Variants in DCC observed in about 807,000 individuals in gnomAD.
DCC encodes netrin receptor DCC.
DCC carries 58 observed loss-of-function variants against 172.5 expected under a neutral mutation model. The ratio of observed to expected loss-of-function variants is 0.34; its 90% CI spans 0.27 to 0.42. DCC has a LOEUF of 0.42. DCC is among the 10% of genes least tolerant of loss of function. DCC has a pLI of 1.00. For missense variants in DCC, 1,740 were observed against 1,791.0 expected, an observed-to-expected ratio of 0.97 and a Z score of 0.51; for synonymous variants, 709 against 644.5, an observed-to-expected ratio of 1.10 and a Z score of -1.52.
chr18:52,959,757 C>A (rs528078538), intron 5 of DCC, among the ~76,000 whole-genome samples: 1 of 152,076 alleles, frequency 6.6e-6, no homozygotes, highest in Non-Finnish European at 1.5e-5. Context: ...CCAAGCAGAC[C>A]AAGATATATC....
chr18:53,146,620 G>C (rs1015527875), intron 7 of DCC, among the ~76,000 whole-genome samples: 1 of 152,134 alleles, frequency 6.6e-6, no homozygotes, highest in Non-Finnish European at 1.5e-5. Context: ...TTCATAGAAA[G>C]CCTTGTCTAC....
chr18:52,579,236 G>T (rs981321823), intron 1 of DCC, among the ~76,000 whole-genome samples: 1 of 152,052 alleles, frequency 6.6e-6, no homozygotes, highest in Non-Finnish European at 1.5e-5. Flanking sequence ...TTTCAGGTTG[G>T]TTTCCCATTA....
At chr18:53,442,666 C>A (rs148659913) in intron 22 of DCC, among the ~76,000 whole-genome samples, 2 of 152,204 alleles carry the variant, frequency 1.3e-5, no homozygotes, top group Non-Finnish European at 2.9e-5. Flanking sequence ...GTGATGAAGA[C>A]ATGTCAAAAG....
chr18:52,788,745 C>G (rs1438528513), intron 2 of DCC, among the ~76,000 whole-genome samples: 1 of 152,106 alleles, frequency 6.6e-6, no homozygotes, highest in Non-Finnish European at 1.5e-5. Flanking sequence ...AGGAACAGGG[C>G]CAGGAAGGCA....
At chr18:53,017,366 G>A (rs2041823573) in intron 5 of DCC, among the ~76,000 whole-genome samples, 1 of 152,066 alleles carries the variant, frequency 6.6e-6, no homozygotes, top group Admixed American at 6.6e-5. Context: ...CATTCTAAAG[G>A]AACATATAAT....
chr18:53,385,328 A>T (rs1908085385), intron 15 of DCC, among the ~76,000 whole-genome samples: 1 of 152,154 alleles, frequency 6.6e-6, no homozygotes, highest in Non-Finnish European at 1.5e-5. Context: ...ATTGACAGAA[A>T]CAATGTGACA....
intron 7 of DCC, among the ~76,000 whole-genome samples, chr18:53,066,834 G>A (rs930109040): frequency 1.3e-5 from 2 of 152,066 alleles, no homozygotes; most frequent in Non-Finnish European, 2.9e-5. Flanking sequence ...GCATGATGCT[G>A]GCCATCTGCT....
At chr18:52,755,832 T>C (rs1029289981) in intron 2 of DCC, among the ~76,000 whole-genome samples, 1 of 152,070 alleles carries the variant, frequency 6.6e-6, no homozygotes, top group African/African-American at 2.4e-5. Context: ...TAAAAAGAAG[T>C]GTAGCAAATG....
intron 2 of DCC, among the ~76,000 whole-genome samples, chr18:52,794,752 G>A (rs923968349): frequency 2.6e-5 from 4 of 151,990 alleles, no homozygotes; most frequent in East Asian, 1.9e-4. Flanking sequence ...CATTAAGTAC[G>A]ATGTTAGCTG....
intron 12 of DCC, among the ~76,000 whole-genome samples, chr18:53,227,520 T>C (rs1372679920): frequency 6.6e-6 from 1 of 152,214 alleles, no homozygotes; most frequent in Non-Finnish European, 1.5e-5. Context: ...TGACAGAATC[T>C]AAGAGCATCA....
chr18:52,877,191 T>G (rs1296819240), intron 2 of DCC, among the ~76,000 whole-genome samples: 10 of 152,152 alleles, frequency 6.6e-5, no homozygotes. Flanking sequence ...TATGTTGTGG[T>G]AGACCATCTT....
intron 5 of DCC, among the ~76,000 whole-genome samples, chr18:52,966,297 G>A (rs1406226906): frequency 1.3e-5 from 2 of 152,138 alleles, no homozygotes; most frequent in Non-Finnish European, 2.9e-5. Flanking sequence ...CATAAGGAGA[G>A]TACTTATTTA....
intron 2 of DCC, among the ~76,000 whole-genome samples, chr18:52,863,703 A>G (rs944341277): frequency 2.0e-5 from 3 of 151,854 alleles, no homozygotes; most frequent in African/African-American, 7.2e-5. Flanking sequence ...GTATTTATGA[A>G]TGTTTATCTC....
intron 1 of DCC, among the ~76,000 whole-genome samples, chr18:52,477,952 T>A (rs1024420582): frequency 4.0e-5 from 6 of 151,896 alleles, no homozygotes; most frequent in African/African-American, 1.2e-4. Flanking sequence ...TGGGATTGCA[T>A]GCACACACCA....
chr18:52,887,306 GT>G (rs148818851), intron 2 of DCC, among the ~76,000 whole-genome samples: 3,005 of 146,708 alleles, frequency 0.02, 65 homozygotes, highest in African/African-American at 0.053. Flanking sequence ...ATCATCAATG[GT>G]TTTTTTTTTT....
intron 5 of DCC, among the ~76,000 whole-genome samples, chr18:52,973,294 T>C (rs62097898): frequency 0.089 from 13,565 of 152,246 alleles, 810 homozygotes; most frequent in Non-Finnish European, 0.14. Flanking sequence ...TTTATACAAA[T>C]GATAAAGTTT....
chr18:53,091,859 C>CAATCTA (rs1384337690), intron 7 of DCC, among the ~76,000 whole-genome samples: 7 of 141,108 alleles, frequency 5.0e-5, no homozygotes, highest in African/African-American at 1.9e-4. Context: ...ATCAATCTAT[C>CAATCTA]TATATATATA....
intron 2 of DCC, among the ~76,000 whole-genome samples, chr18:52,835,543 C>T (rs571068373): frequency 1.2e-3 from 190 of 152,234 alleles, no homozygotes; most frequent in African/African-American, 4.4e-3. Flanking sequence ...TTTGTTATAT[C>T]ATACGATCCT....
intron 13 of DCC, among the ~76,000 whole-genome samples, chr18:53,310,723 C>G (rs867644112): frequency 6.6e-6 from 1 of 151,954 alleles, no homozygotes; most frequent in Non-Finnish European, 1.5e-5. Context: ...AGTTTATGGA[C>G]TGAAAAATTG....
Sources: allele counts gnomAD v4.1 joint callset (sites outside exome capture counted in the v4.1 genomes callset), GRCh38; gene constraint gnomAD v4.1.1; transcripts MANE v1.5; gene names NCBI Gene and HGNC (gene_info 2026-07-23, HGNC 2026-07-21).